TNR: variants seen among roughly 807,000 people sequenced by gnomAD.
TNR encodes the protein tenascin-R.
A neutral mutation model predicts 150.4 loss-of-function variants in TNR; 45 were observed. The observed-to-expected ratio is 0.30, with a 90% CI of 0.24 to 0.38. The LOEUF (loss-of-function observed/expected upper bound fraction) is 0.38, where lower values mean the gene tolerates loss of function less well. TNR is among the 10% of genes least tolerant of loss of function. The pLI, the probability that TNR is intolerant of heterozygous loss-of-function variation, is 1.00. For missense variants in TNR, 1,544 were observed against 1,759.1 expected, an observed-to-expected ratio of 0.88 and a Z score of 2.19; for synonymous variants, 687 against 678.4, an observed-to-expected ratio of 1.01 and a Z score of -0.20.
chr1:175,326,138 C>A (rs1475861120), intron 21 of TNR, among the ~76,000 whole-genome samples: 1 of 152,108 alleles, frequency 6.6e-6, no homozygotes, highest in African/African-American at 2.4e-5. Flanking sequence ...GAGGGGCAAA[C>A]AGGCTGCGTG....
chr1:175,672,282 C>T (rs1665726911), intron 1 of TNR, among the ~76,000 whole-genome samples: 1 of 152,084 alleles, frequency 6.6e-6, no homozygotes, highest in African/African-American at 2.4e-5. Flanking sequence ...TTGCATTCCC[C>T]CACCCTATCT....
At chr1:175,699,080 A>G (rs961282745) in intron 1 of TNR, among the ~76,000 whole-genome samples, 7 of 152,132 alleles carry the variant, frequency 4.6e-5, no homozygotes, top group Admixed American at 6.5e-5. Flanking sequence ...AGACAGGGGA[A>G]GTGATAAGAA....
rs1395913306 is a variant in TNR, at chr1:175,597,831, A to C, written c.-164-69462T>G. On this transcript the variant is annotated intron_variant, in intron 1 of 22. Coordinates refer to ENST00000367674, the MANE Select transcript of TNR (RefSeq NM_003285.3). Reference sequence around the variant, plus strand: ...TAGGGAAGAATGAATTTTAATAAAAATGGAAACTACTGACTTTTCTGCAGT... The same window carrying C: ...TAGGGAAGAATGAATTTTAATAAAACTGGAAACTACTGACTTTTCTGCAGT... Among the ~76,000 whole-genome samples, 3 of 152,348 alleles carry C rather than the reference A, an allele frequency of 2.0e-5. No homozygotes were observed. The East Asian group carries it at 5.8e-4, about 29-fold the overall frequency.
chr1:175,695,514 A>G (rs1666489201), intron 1 of TNR, among the ~76,000 whole-genome samples: 1 of 152,208 alleles, frequency 6.6e-6, no homozygotes, highest in Admixed American at 6.5e-5. Context: ...AGAAATAGAT[A>G]ATTAGTACGG....
At position 175,536,159 on chromosome 1, in the gene TNR, A is replaced by T. The variant is rs546458896; in HGVS notation, c.-164-7790T>A. On this transcript the variant is annotated intron_variant, in intron 1 of 22. Coordinates refer to ENST00000367674, the MANE Select transcript of TNR (RefSeq NM_003285.3). The stretch of plus-strand genomic sequence containing the variant: ...AATATTTTGATAGCAATATTTCAAT[A>T]AAAAATGCAGTTTCCTTTGTAATCT... Among the ~76,000 whole-genome samples, 7 of 152,322 alleles carry T rather than the reference A, an allele frequency of 4.6e-5. No individual in the cohort carries two copies. In the South Asian group the frequency reaches 1.5e-3, roughly 32 times the overall value.
At position 175,346,662 on chromosome 1, in the gene TNR, G is replaced by T. The variant is rs75114561; in HGVS notation, c.3382+7729C>A. 8.9e-3 allele frequency among the ~76,000 whole-genome samples: 1,349 copies of T among 152,140 alleles called. 21 individuals carry two copies. The highest frequency in any genetic ancestry group is 0.031 in the African/African-American group (1,288 of 41,514). On this transcript the variant is annotated intron_variant, in intron 18 of 22. Transcript: ENST00000367674. ...AAGAATTTTATGCTACTAAATTCTG[G>T]AAATCAGATGAAATGAATATATTTC...
At position 175,367,199 on chromosome 1, in the gene TNR, C is replaced by T; in HGVS notation, c.2053+9G>A. The stretch of plus-strand genomic sequence containing the variant: ...CCTGGTCTTCTTCCTCAGCAGTCCT[C>T]CTACTCACCAGTCCTGGCATTCATG... On this transcript the variant is annotated intron_variant, in intron 10 of 22. Coordinates refer to ENST00000367674, the MANE Select transcript of TNR (RefSeq NM_003285.3). 1.2e-6 allele frequency: 2 copies of T among 1,613,906 alleles called. No individual in the cohort carries two copies. Among genetic ancestry groups the T allele is most frequent in the African/African-American group, 1.3e-5 (1 of 75,050 alleles).
chr1:175,612,914 G>T lies in TNR; in HGVS notation c.-164-84545C>A, dbSNP rs188771264. ...TGGCATTGTGCTAGGTGCTGGTGTA[G>T]GAACACAGCCCCCCTTTCCCTCAAG... On this transcript the variant is annotated intron_variant, in intron 1 of 22. Transcript: ENST00000367674. Among the ~76,000 whole-genome samples, 81 of 145,426 alleles carry T rather than the reference G, an allele frequency of 5.6e-4. 2 individuals are homozygous for T. The East Asian group carries it at 0.014, about 26-fold the overall frequency.
chr1:175,623,296 A>G (rs1401022916), intron 1 of TNR, among the ~76,000 whole-genome samples: 1 of 152,180 alleles, frequency 6.6e-6, no homozygotes, highest in Non-Finnish European at 1.5e-5. Flanking sequence ...ACATTTCTCT[A>G]TATACCTACA....
Position 175,406,208 on chromosome 1 carries a change from G to A in TNR, c.499+8C>T, listed in dbSNP as rs750731744. The A allele has an allele frequency of 1.9e-6, 3 of 1,612,276 alleles. No individual in the cohort carries two copies. The highest frequency in any genetic ancestry group is 1.3e-5 in the African/African-American group (1 of 74,992). ...CCTGAGACCACGCTGCGAGCTCCCG[G>A]ACTCTACCTGTGGCAGCACTTTCTT... On this transcript the variant is annotated splice_region_variant and intron_variant, in intron 3 of 22. Coordinates refer to ENST00000367674, the MANE Select transcript of TNR (RefSeq NM_003285.3).
At chr1:175,347,816 T>C (rs1650870005) in intron 18 of TNR, among the ~76,000 whole-genome samples, 1 of 152,190 alleles carries the variant, frequency 6.6e-6, no homozygotes, top group Admixed American at 6.5e-5. Context: ...AACATGATAA[T>C]GCTTTAGTTG....
At chr1:175,587,063 C>T (rs1318218054) in intron 1 of TNR, among the ~76,000 whole-genome samples, 2 of 152,158 alleles carry the variant, frequency 1.3e-5, no homozygotes, top group East Asian at 1.9e-4. Flanking sequence ...ATACTAAAGA[C>T]TTATTTCTCT....
chr1:175,734,733 T>A (rs1667726600), intron 1 of TNR, among the ~76,000 whole-genome samples: 2 of 152,226 alleles, frequency 1.3e-5, no homozygotes, highest in Admixed American at 1.3e-4. Flanking sequence ...CTTCCTGTTT[T>A]TAAACAGCCC....
chr1:175,700,737 C>T (rs1666669187), intron 1 of TNR, among the ~76,000 whole-genome samples: 1 of 152,154 alleles, frequency 6.6e-6, no homozygotes, highest in African/African-American at 2.4e-5. Flanking sequence ...CTCTTGGGTC[C>T]CATTTGTCAC....
intron 2 of TNR, among the ~76,000 whole-genome samples, 193 bp from the exon 3 acceptor site, chr1:175,406,970 G>A (rs990286341): frequency 2.0e-5 from 3 of 152,196 alleles, no homozygotes; most frequent in Admixed American, 1.3e-4. Flanking sequence ...CCTGAAAATG[G>A]ACACTGCTTC....
intron 1 of TNR, among the ~76,000 whole-genome samples, chr1:175,681,053 C>A (rs1246379134): frequency 6.6e-6 from 1 of 152,030 alleles, no homozygotes; most frequent in African/African-American, 2.4e-5. Context: ...ATAGGAAGAC[C>A]CTTTGAGGGC....
chr1:175,690,655 G>A (rs902331296), intron 1 of TNR, among the ~76,000 whole-genome samples: 19 of 152,232 alleles, frequency 1.2e-4, no homozygotes, highest in Admixed American at 1.3e-4. Flanking sequence ...AGTGCCAGGG[G>A]GAGCCATTTG....
chr1:175,647,100 T>G lies in TNR; in HGVS notation c.-165+96126A>C, dbSNP rs2101885582. Among the ~76,000 whole-genome samples, 4 of 152,278 alleles carry G rather than the reference T, an allele frequency of 2.6e-5. No individual in the cohort carries two copies. In the South Asian group the frequency reaches 8.3e-4, roughly 32 times the overall value. On this transcript the variant is annotated intron_variant, in intron 1 of 22. Transcript: ENST00000367674. ...ACAAGCTTCACACCATTCACACAAT[T>G]TTGCCCCAGGCAGGCTCTGCCTGCA... is the stretch of plus-strand genomic sequence containing the variant.
At chr1:175,501,652 C>G (rs1488438483) in intron 2 of TNR, among the ~76,000 whole-genome samples, 2 of 152,238 alleles carry the variant, frequency 1.3e-5, no homozygotes, top group Non-Finnish European at 2.9e-5. Flanking sequence ...CAGCTAAAGA[C>G]AGCAAATCAG....
Sources: allele counts gnomAD v4.1 joint callset (sites outside exome capture counted in the v4.1 genomes callset), GRCh38; gene constraint gnomAD v4.1.1; transcripts MANE v1.5; gene names NCBI Gene and HGNC (gene_info 2026-07-23, HGNC 2026-07-21).